Variants in KHDRBS3 observed in about 807,000 individuals in gnomAD.
KHDRBS3 encodes KH domain-containing, RNA-binding, signal transduction-associated protein 3.
A neutral mutation model predicts 45.6 loss-of-function variants in KHDRBS3; 23 were observed. That is an observed-to-expected ratio of 0.50 (90% CI 0.36 to 0.72). The LOEUF (loss-of-function observed/expected upper bound fraction) is 0.72. Among genes scored for constraint, KHDRBS3 ranks in the 30% least tolerant of loss-of-function variants. The pLI is 0.00. For synonymous variants in KHDRBS3, 162 were observed against 156.5 expected, an observed-to-expected ratio of 1.04 and a Z score of -0.26; for missense variants, 352 against 424.8, an observed-to-expected ratio of 0.83 and a Z score of 1.51.
chr8:135,458,576 G>T, intron 1 of KHDRBS3: 1 of 313,632 alleles, frequency 3.2e-6, no homozygotes, highest in Non-Finnish European at 6.2e-6. Flanking sequence ...AGCCCTGGCG[G>T]GGCAGTCAGC....
intron 5 of KHDRBS3, among the ~76,000 whole-genome samples, chr8:135,562,170 T>C (rs1827201455): frequency 6.6e-6 from 1 of 152,182 alleles, no homozygotes; most frequent in Admixed American, 6.5e-5. Flanking sequence ...CAGAACAACT[T>C]CCAGTCTTCC....
At chr8:135,566,140 G>C (rs1378048254) in intron 5 of KHDRBS3, among the ~76,000 whole-genome samples, 1 of 152,148 alleles carries the variant, frequency 6.6e-6, no homozygotes, top group Non-Finnish European at 1.5e-5. Context: ...TACAAATGTA[G>C]AGTTATACAT....
At chr8:135,531,158 G>A (rs929563156) in intron 2 of KHDRBS3, among the ~76,000 whole-genome samples, 1 of 152,086 alleles carries the variant, frequency 6.6e-6, no homozygotes, top group African/African-American at 2.4e-5. Flanking sequence ...GCGTGTGCCT[G>A]TGTGTGTGCA....
intron 7 of KHDRBS3, among the ~76,000 whole-genome samples, chr8:135,638,098 T>C (rs1366696573): frequency 6.6e-6 from 1 of 151,786 alleles, no homozygotes; most frequent in Non-Finnish European, 1.5e-5. Context: ...AATGGTAGAG[T>C]GGCTTAGGGA....
At chr8:135,521,867 T>A (rs1246267176) in intron 2 of KHDRBS3, among the ~76,000 whole-genome samples, 1 of 152,240 alleles carries the variant, frequency 6.6e-6, no homozygotes, top group East Asian at 1.9e-4. Flanking sequence ...TATCCATTTG[T>A]CTAGGCACTT....
At chr8:135,543,387 T>C (rs1161994847) in intron 3 of KHDRBS3, among the ~76,000 whole-genome samples, 1 of 152,204 alleles carries the variant, frequency 6.6e-6, no homozygotes, top group Non-Finnish European at 1.5e-5. Flanking sequence ...CATATCATAA[T>C]GTGTGTCACA....
intron 1 of KHDRBS3, among the ~76,000 whole-genome samples, chr8:135,465,609 T>C (rs2130133628): frequency 6.6e-6 from 1 of 152,322 alleles, no homozygotes; most frequent in East Asian, 1.9e-4. Flanking sequence ...GAAGCTTAAA[T>C]TAACAAATGA....
intron 8 of KHDRBS3, among the ~76,000 whole-genome samples, chr8:135,646,464 A>G (rs1429329611): frequency 6.6e-6 from 1 of 152,236 alleles, no homozygotes; most frequent in Non-Finnish European, 1.5e-5. Flanking sequence ...ACTTTCCTTC[A>G]GTCTTTCCGT....
At chr8:135,623,393 G>T (rs371605015) in intron 7 of KHDRBS3, among the ~76,000 whole-genome samples, 2 of 152,132 alleles carry the variant, frequency 1.3e-5, no homozygotes, top group Non-Finnish European at 2.9e-5. Flanking sequence ...TGAGCGAGCC[G>T]CACAGTAAAC....
At chr8:135,607,967 CA>C (rs1211975955) in intron 7 of KHDRBS3, among the ~76,000 whole-genome samples, 1 of 152,166 alleles carries the variant, frequency 6.6e-6, no homozygotes, top group African/African-American at 2.4e-5. Context: ...GAGTAGCCTT[CA>C]AACTTTGACT....
chr8:135,644,779 C>T (rs1831212805), intron 7 of KHDRBS3, among the ~76,000 whole-genome samples: 1 of 152,214 alleles, frequency 6.6e-6, no homozygotes, highest in Non-Finnish European at 1.5e-5. Context: ...TTCCCTCGTG[C>T]ACTTTTAGGC....
At chr8:135,481,890 A>G (rs1488369098) in intron 1 of KHDRBS3, among the ~76,000 whole-genome samples, 1 of 152,196 alleles carries the variant, frequency 6.6e-6, no homozygotes, top group Admixed American at 6.5e-5. Flanking sequence ...TTTATTTGGC[A>G]GGCTTGCAGC....
At chr8:135,582,167 T>A (rs1563784642) in intron 6 of KHDRBS3, 94 bp downstream of exon 6, 3 of 1,250,332 alleles carry the variant, frequency 2.4e-6, no homozygotes, top group Non-Finnish European at 2.1e-6. Context: ...TTCCTCACCT[T>A]GTTTTGGTTC....
chr8:135,494,120 C>T (rs928449245), intron 1 of KHDRBS3, among the ~76,000 whole-genome samples: 28 of 151,834 alleles, frequency 1.8e-4, no homozygotes, highest in Non-Finnish European at 3.2e-4. Context: ...TAATTCTTTA[C>T]TCTTTTTTTT....
At chr8:135,481,039 C>G (rs1822539241) in intron 1 of KHDRBS3, among the ~76,000 whole-genome samples, 1 of 151,932 alleles carries the variant, frequency 6.6e-6, no homozygotes, top group South Asian at 2.1e-4. Flanking sequence ...GTGCAACAAG[C>G]AAATCCAATG....
intron 6 of KHDRBS3, among the ~76,000 whole-genome samples, chr8:135,585,855 G>A (rs557526502): frequency 3.3e-5 from 5 of 152,278 alleles, no homozygotes; most frequent in South Asian, 4.1e-4. Flanking sequence ...ACCCTATACA[G>A]AGACTTGATA....
chr8:135,646,181 G>T (rs1831280619), intron 8 of KHDRBS3, among the ~76,000 whole-genome samples: 1 of 151,866 alleles, frequency 6.6e-6, no homozygotes, highest in Admixed American at 6.6e-5. Context: ...TTTTAAATTG[G>T]TCTCTGTGGA....
At chr8:135,488,590 C>T (rs1822983740) in intron 1 of KHDRBS3, among the ~76,000 whole-genome samples, 1 of 152,094 alleles carries the variant, frequency 6.6e-6, no homozygotes, top group Admixed American at 6.6e-5. Context: ...TTCCAGGCAT[C>T]CTTTTGAAAA....
chr8:135,518,632 T>C (rs892059922), intron 1 of KHDRBS3, among the ~76,000 whole-genome samples: 6 of 152,216 alleles, frequency 3.9e-5, no homozygotes, highest in Non-Finnish European at 7.3e-5. Context: ...AAATAGATAA[T>C]GAAGGGTGGG....
Sources: allele counts gnomAD v4.1 joint callset (sites outside exome capture counted in the v4.1 genomes callset), GRCh38; gene constraint gnomAD v4.1.1; transcripts MANE v1.5; gene names NCBI Gene and HGNC (gene_info 2026-07-23, HGNC 2026-07-21).